ATG10: variants seen among roughly 807,000 people sequenced by gnomAD.
ATG10 encodes the protein ubiquitin-like-conjugating enzyme ATG10.
In ATG10, 30 loss-of-function variants were observed where a neutral mutation model predicts 32.1. That is an observed-to-expected ratio of 0.94 (90% confidence interval 0.70 to 1.27). The LOEUF (loss-of-function observed/expected upper bound fraction) is 1.27. ATG10 is among the 50% of genes most tolerant of loss of function. The pLI is 0.00. For missense variants in ATG10, 233 were observed against 262.3 expected (o/e 0.89, Z 0.77); for synonymous variants, 87 against 91.5 (o/e 0.95, Z 0.28).
chr5:82,131,369 A>C (rs894720287), intron 3 of ATG10, among the ~76,000 whole-genome samples: 2 of 152,180 alleles, frequency 1.3e-5, no homozygotes, highest in African/African-American at 2.4e-5. Flanking sequence ...GAGTTTAAAG[A>C]TAGGGGTTCA....
chr5:82,080,087 G>A (rs937026507), intron 3 of ATG10, among the ~76,000 whole-genome samples: 1 of 152,170 alleles, frequency 6.6e-6, no homozygotes, highest in Non-Finnish European at 1.5e-5. Flanking sequence ...ATCTCATTGT[G>A]GTTTTGATTT....
chr5:82,190,233 A>T (rs937171327), intron 5 of ATG10, among the ~76,000 whole-genome samples: 29 of 152,276 alleles, frequency 1.9e-4, no homozygotes, highest in African/African-American at 7.0e-4. Flanking sequence ...TAAATAAAAT[A>T]CAAAATATCA....
intron 5 of ATG10, among the ~76,000 whole-genome samples, chr5:82,188,558 C>T (rs1180881774): frequency 6.6e-6 from 1 of 152,104 alleles, no homozygotes. Flanking sequence ...TCTTAGTCCC[C>T]AAACTTCAAG....
At chr5:82,244,941 G>C (rs1196877818) in intron 5 of ATG10, among the ~76,000 whole-genome samples, 1 of 151,638 alleles carries the variant, frequency 6.6e-6, no homozygotes, top group Non-Finnish European at 1.5e-5. Flanking sequence ...GCAGAACTTT[G>C]TTCCAGTAGA....
chr5:82,125,211 A>G (rs982931615), intron 3 of ATG10, among the ~76,000 whole-genome samples: 10 of 152,194 alleles, frequency 6.6e-5, no homozygotes, highest in Non-Finnish European at 1.0e-4. Flanking sequence ...GATAGATTGC[A>G]AAAATTTTCT....
chr5:82,124,136 G>A (rs1490264827), intron 3 of ATG10, among the ~76,000 whole-genome samples: 3 of 146,782 alleles, frequency 2.0e-5, no homozygotes, highest in African/African-American at 7.6e-5. Flanking sequence ...GCAGTGGTGC[G>A]ATCTTGGCTG....
chr5:81,983,360 C>T (rs1278388022), intron 1 of ATG10, among the ~76,000 whole-genome samples: 1 of 147,062 alleles, frequency 6.8e-6, no homozygotes, highest in Non-Finnish European at 1.5e-5. Flanking sequence ...TAGGGGCGGC[C>T]GGGCAGAGGT....
intron 2 of ATG10, among the ~76,000 whole-genome samples, chr5:82,022,268 C>T (rs1041565125): frequency 5.9e-5 from 9 of 151,694 alleles, no homozygotes; most frequent in Middle Eastern, 3.4e-3. Context: ...GATGTATATA[C>T]GTATTTTAAT....
At chr5:82,145,817 GT>G (rs1418456836) in intron 3 of ATG10, among the ~76,000 whole-genome samples, 2 of 150,594 alleles carry the variant, frequency 1.3e-5, no homozygotes, top group Non-Finnish European at 3.0e-5. Context: ...AGTGGTTCTT[GT>G]GGCTCAGCCT....
chr5:82,049,442 G>C (rs544467198), intron 2 of ATG10, among the ~76,000 whole-genome samples: 31 of 151,358 alleles, frequency 2.0e-4, no homozygotes, highest in African/African-American at 4.1e-4. Flanking sequence ...GGAGATATAC[G>C]TAATGCTAGA....
At chr5:82,040,902 A>G (rs1299688643) in intron 2 of ATG10, among the ~76,000 whole-genome samples, 1 of 152,194 alleles carries the variant, frequency 6.6e-6, no homozygotes, top group Non-Finnish European at 1.5e-5. Context: ...CATTCCTGCC[A>G]CAGGACCTTT....
At chr5:82,121,862 G>A (rs1288361824) in intron 3 of ATG10, among the ~76,000 whole-genome samples, 1 of 151,364 alleles carries the variant, frequency 6.6e-6, no homozygotes, top group East Asian at 1.9e-4. Context: ...GATTCAGTTT[G>A]CAAGTATTTT....
At chr5:82,009,275 G>T (rs764698545) in intron 2 of ATG10, among the ~76,000 whole-genome samples, 2 of 152,050 alleles carry the variant, frequency 1.3e-5, no homozygotes, top group Non-Finnish European at 1.5e-5. Context: ...GTTAAATCTT[G>T]CAGGCTAGGG....
intron 5 of ATG10, among the ~76,000 whole-genome samples, chr5:82,184,699 G>A (rs941899959): frequency 1.3e-5 from 2 of 152,044 alleles, no homozygotes; most frequent in East Asian, 3.8e-4. Flanking sequence ...AGAGATGACT[G>A]TATTCATACT....
chr5:82,189,961 T>TGGTG (rs1744594018), intron 5 of ATG10, among the ~76,000 whole-genome samples: 1 of 152,150 alleles, frequency 6.6e-6, no homozygotes, highest in Admixed American at 6.5e-5. Context: ...GGATACTTGC[T>TGGTG]CCATAGTTAA....
intron 3 of ATG10, among the ~76,000 whole-genome samples, chr5:82,150,473 T>A (rs115510435): frequency 0.057 from 8,714 of 152,308 alleles, 310 homozygotes; most frequent in East Asian, 0.076. Flanking sequence ...TAAGCTTCTT[T>A]TATTTTCTTC....
chr5:82,223,771 A>G (rs545047531), intron 5 of ATG10, among the ~76,000 whole-genome samples: 1 of 152,346 alleles, frequency 6.6e-6, no homozygotes, highest in Non-Finnish European at 1.5e-5. Flanking sequence ...GGTCACTGAT[A>G]GAAATTTTAA....
At chr5:82,180,072 A>C (rs1176543561) in intron 5 of ATG10, among the ~76,000 whole-genome samples, 1 of 152,014 alleles carries the variant, frequency 6.6e-6, no homozygotes, top group Non-Finnish European at 1.5e-5. Context: ...ATATCTTTTT[A>C]ACCACTGCTG....
chr5:82,165,705 T>G (rs1241130645), intron 4 of ATG10, among the ~76,000 whole-genome samples: 1 of 152,228 alleles, frequency 6.6e-6, no homozygotes, highest in Non-Finnish European at 1.5e-5. Context: ...ACACTCATTT[T>G]ATGGTAATTA....
Sources: allele counts gnomAD v4.1 joint callset (sites outside exome capture counted in the v4.1 genomes callset), GRCh38; gene constraint gnomAD v4.1.1; transcripts MANE v1.5; gene names NCBI Gene and HGNC (gene_info 2026-07-23, HGNC 2026-07-21).